The following GNG7 variants were observed in gnomAD, a reference collection of about 807,000 sequenced individuals.
GNG7 encodes the protein guanine nucleotide-binding protein G(I)/G(S)/G(O) subunit gamma-7.
A neutral mutation model predicts 4.0 loss-of-function variants in GNG7; 1 was observed. The observed-to-expected ratio is 0.25, with a 90% CI of 0.09 to 1.18. GNG7 has a LOEUF of 1.18. Ranked by LOEUF, GNG7 falls within the 50% of genes most tolerant of loss-of-function variation. The pLI, the probability that GNG7 is intolerant of heterozygous loss-of-function variation, is 0.50. For missense variants in GNG7, 86 were observed against 91.9 expected (o/e 0.94, Z 0.26); for synonymous variants, 34 against 36.9 (o/e 0.92, Z 0.29).
intron 2 of GNG7, among the ~76,000 whole-genome samples, chr19:2,630,548 G>C (rs1982132695): frequency 6.6e-6 from 1 of 152,014 alleles, no homozygotes; most frequent in Admixed American, 6.5e-5. Context: ...CCTGAGAGTG[G>C]CCTCAAAGAG....
At chr19:2,544,396 G>C (rs951897344) in intron 3 of GNG7, among the ~76,000 whole-genome samples, 1 of 152,176 alleles carries the variant, frequency 6.6e-6, no homozygotes, top group African/African-American at 2.4e-5. Context: ...CGGGAGCCAT[G>C]AGGACCTCAG....
intron 3 of GNG7, among the ~76,000 whole-genome samples, chr19:2,537,241 G>T (rs975287647): frequency 2.6e-5 from 4 of 151,518 alleles, no homozygotes; most frequent in Non-Finnish European, 5.9e-5. Flanking sequence ...GAGCCACCGC[G>T]CCCGGCCACA....
intron 1 of GNG7, among the ~76,000 whole-genome samples, chr19:2,660,059 C>T (rs1437996849): frequency 6.6e-6 from 1 of 152,112 alleles, no homozygotes; most frequent in Non-Finnish European, 1.5e-5. Flanking sequence ...TGGCGGCGAG[C>T]GGATCACACA....
intron 1 of GNG7, among the ~76,000 whole-genome samples, chr19:2,651,575 C>CTTT (rs748291961): frequency 3.2e-5 from 4 of 125,196 alleles, no homozygotes; most frequent in African/African-American, 1.2e-4. Context: ...CTCTCTCTCT[C>CTTT]TTTTTTTTTT....
At chr19:2,636,569 G>A (rs1482813735) in intron 2 of GNG7, among the ~76,000 whole-genome samples, 1 of 152,118 alleles carries the variant, frequency 6.6e-6, no homozygotes, top group Non-Finnish European at 1.5e-5. Flanking sequence ...ACACCTCTGT[G>A]CCCGAGTGTG....
chr19:2,544,284 G>C (rs2144750570), intron 3 of GNG7, among the ~76,000 whole-genome samples: 1 of 152,304 alleles, frequency 6.6e-6, no homozygotes, highest in East Asian at 1.9e-4. Flanking sequence ...TACAGTGGCT[G>C]GGGCAGCTGG....
chr19:2,676,222 G>A (rs1193494664), intron 1 of GNG7, among the ~76,000 whole-genome samples: 1 of 152,206 alleles, frequency 6.6e-6, no homozygotes, highest in Non-Finnish European at 1.5e-5. Flanking sequence ...CTGGCTTCTA[G>A]AACTGCCAGA....
chr19:2,655,855 A>AT (rs1982955562), intron 1 of GNG7, among the ~76,000 whole-genome samples: 1 of 139,184 alleles, frequency 7.2e-6, no homozygotes, highest in African/African-American at 2.9e-5. Flanking sequence ...AAAAAAAAAA[A>AT]AAAAATACAT....
chr19:2,623,932 C>T (rs1002095617), intron 2 of GNG7, among the ~76,000 whole-genome samples: 3 of 152,100 alleles, frequency 2.0e-5, no homozygotes, highest in African/African-American at 4.8e-5. Flanking sequence ...TCCCTAGAGC[C>T]GTCAGATTCA....
intron 3 of GNG7, among the ~76,000 whole-genome samples, chr19:2,548,435 C>T (rs547897398): frequency 2.1e-5 from 3 of 139,690 alleles, no homozygotes; most frequent in South Asian, 4.6e-4. Flanking sequence ...GGGTTGAGAT[C>T]GCGCCATTGC....
chr19:2,589,109 G>A (rs1226054118), intron 2 of GNG7, among the ~76,000 whole-genome samples: 8 of 151,696 alleles, frequency 5.3e-5, no homozygotes, highest in Non-Finnish European at 1.2e-4. Flanking sequence ...TGTATTTTTA[G>A]TAGAGATGGG....
At chr19:2,574,762 A>G (rs1266689940) in intron 2 of GNG7, among the ~76,000 whole-genome samples, 2 of 152,058 alleles carry the variant, frequency 1.3e-5, no homozygotes, top group African/African-American at 4.8e-5. Flanking sequence ...GCTGGGCCCT[A>G]TGGTAATTCC....
chr19:2,596,009 C>T (rs141487200), intron 2 of GNG7, among the ~76,000 whole-genome samples: 9,706 of 152,016 alleles, frequency 0.064, 1,014 homozygotes, highest in African/African-American at 0.22. Context: ...TGTTACTCTA[C>T]TACAGAGGAG....
intron 2 of GNG7, among the ~76,000 whole-genome samples, chr19:2,628,783 G>T (rs1381997192): frequency 1.3e-5 from 2 of 152,082 alleles, no homozygotes; most frequent in African/African-American, 4.8e-5. Context: ...CACCTGATGA[G>T]GTCAGGCCCA....
chr19:2,661,302 G>GAAAGAAAGAAAGAGAA, intron 1 of GNG7, among the ~76,000 whole-genome samples: 2 of 73,118 alleles, frequency 2.7e-5, no homozygotes, highest in Admixed American at 1.5e-4. Context: ...AAGAAAGAAA[G>GAAAGAAAGAAAGAGAA]AGAAAGAAAG....
At position 2,637,488 on chromosome 19, in the gene GNG7, G is replaced by A. The variant is rs551680421; in HGVS notation, c.-78+8736C>T. Reference sequence around the variant, plus strand: ...CAAGCTTCCCACCCTGTGCCCGCAGGAGCCAAAGCCGCACTCGCCCAGCCC... The same window carrying A: ...CAAGCTTCCCACCCTGTGCCCGCAGAAGCCAAAGCCGCACTCGCCCAGCCC... On this transcript the variant is annotated intron_variant, in intron 2 of 4. Coordinates refer to ENST00000382159, the MANE Select transcript of GNG7 (RefSeq NM_052847.3). 5.3e-5 allele frequency among the ~76,000 whole-genome samples: 8 copies of A among 152,274 alleles called. No homozygotes were observed. The East Asian group carries it at 1.2e-3, about 22-fold the overall frequency.
At chr19:2,536,925 T>C (rs1258463980) in intron 3 of GNG7, among the ~76,000 whole-genome samples, 1 of 149,516 alleles carries the variant, frequency 6.7e-6, no homozygotes, top group Non-Finnish European at 1.5e-5. Flanking sequence ...AAAATATATA[T>C]ACATACATAT....
At chr19:2,598,995 C>G (rs1981118847) in intron 2 of GNG7, among the ~76,000 whole-genome samples, 2 of 152,322 alleles carry the variant, frequency 1.3e-5, no homozygotes, top group South Asian at 4.1e-4. Flanking sequence ...TTCTAGCATA[C>G]AGTTCCACCG....
chr19:2,570,002 C>T (rs1316210760), intron 2 of GNG7, among the ~76,000 whole-genome samples: 4 of 152,172 alleles, frequency 2.6e-5, no homozygotes, highest in Admixed American at 6.6e-5. Flanking sequence ...TGAAATGCGA[C>T]CCCCTATGTT....
Sources: allele counts gnomAD v4.1 joint callset (sites outside exome capture counted in the v4.1 genomes callset), GRCh38; gene constraint gnomAD v4.1.1; transcripts MANE v1.5; gene names NCBI Gene and HGNC (gene_info 2026-07-23, HGNC 2026-07-21).